PARL: variants seen among roughly 807,000 people sequenced by gnomAD.
The protein encoded by PARL is presenilin-associated rhomboid-like protein, mitochondrial.
Under a neutral mutation model 51.6 loss-of-function variants are expected in PARL, and 44 were observed. The observed-to-expected ratio is 0.85, with a 90% confidence interval of 0.67 to 1.10. The LOEUF (loss-of-function observed/expected upper bound fraction) is 1.10. PARL is among the 50% of genes least tolerant of loss of function. PARL has a pLI of 0.00. For synonymous variants in PARL, 172 were observed against 164.0 expected (o/e 1.05, Z -0.37); for missense variants, 441 against 469.5 (o/e 0.94, Z 0.56).
chr3:183,829,947 C>G (rs1029658207), intron 9 of PARL, among the ~76,000 whole-genome samples: 5 of 152,200 alleles, frequency 3.3e-5, no homozygotes, highest in South Asian at 2.1e-4. Context: ...ACATATACTA[C>G]TTTTGATTCA....
chr3:183,836,314 CGTT>C (rs1206870066), intron 7 of PARL, among the ~76,000 whole-genome samples: 4 of 149,496 alleles, frequency 2.7e-5, no homozygotes, highest in East Asian at 1.9e-4. Flanking sequence ...AAAAAATTGT[CGTT>C]ATCTGTACAA....
chr3:183,839,836 TATCCTCCTTCCTC>T (rs1310148475), intron 7 of PARL, among the ~76,000 whole-genome samples: 4 of 152,084 alleles, frequency 2.6e-5, no homozygotes, highest in Non-Finnish European at 5.9e-5. Context: ...AGGCTCAAGC[TATCCTCCTTCCTC>T]AGCCTCCTGA....
intron 4 of PARL, among the ~76,000 whole-genome samples, chr3:183,853,978 C>T (rs2108641996): frequency 6.6e-6 from 1 of 152,320 alleles, no homozygotes; most frequent in Middle Eastern, 3.4e-3. Context: ...GTGGCTCATG[C>T]CTGTAATCCC....
intron 4 of PARL, among the ~76,000 whole-genome samples, chr3:183,851,810 T>C (rs1052545702): frequency 6.6e-6 from 1 of 152,106 alleles, no homozygotes; most frequent in Non-Finnish European, 1.5e-5. Flanking sequence ...TACTAGTCAC[T>C]AGCAAAATGG....
chr3:183,869,866 A>G (rs995912003), intron 1 of PARL, among the ~76,000 whole-genome samples: 1 of 152,100 alleles, frequency 6.6e-6, no homozygotes, highest in Non-Finnish European at 1.5e-5. Context: ...TATGCTCCCC[A>G]TTACTTTAAA....
At chr3:183,884,549 G>A (rs1390276084) in intron 1 of PARL, among the ~76,000 whole-genome samples, 173 bp downstream of exon 1, 2 of 152,204 alleles carry the variant, frequency 1.3e-5, no homozygotes, top group Non-Finnish European at 2.9e-5. Context: ...CTGGGCAAGG[G>A]GAGCGAGAAG....
In PARL at chr3:183,867,934, T is replaced by C; in HGVS notation, c.252A>G (p.Glu84=). ...AGGGAGAAGGATAAAAGACTGTTTCTTCCACAGGAGGAATCAAAGCACTTC... is the reference window on the plus strand; with the variant it reads ...AGGGAGAAGGATAAAAGACTGTTTCCTCCACAGGAGGAATCAAAGCACTTC... ...YKRSALIPPV[E]ETVFYPSPYP... The change falls in exon 2 of 10, where the codon GAA becomes GAG. Residue 84 remains glutamate (E), a synonymous_variant. Transcript: ENST00000317096. 1 of 1,613,976 alleles carries C rather than the reference T, an allele frequency of 6.2e-7. No homozygotes were observed. The highest frequency in any genetic ancestry group is 1.1e-5 in the South Asian group (1 of 91,084).
chr3:183,868,479 T>C (rs1367321501), intron 1 of PARL, among the ~76,000 whole-genome samples: 1 of 152,116 alleles, frequency 6.6e-6, no homozygotes, highest in Non-Finnish European at 1.5e-5. Context: ...GGTACGATCA[T>C]GGCTCACTGC....
intron 7 of PARL, among the ~76,000 whole-genome samples, chr3:183,838,231 T>G (rs951105836): frequency 6.6e-6 from 1 of 152,066 alleles, no homozygotes; most frequent in East Asian, 1.9e-4. Context: ...CTCACTTTGT[T>G]GCCCAGGCTA....
chr3:183,879,954 C>T (rs1734260812), intron 1 of PARL, among the ~76,000 whole-genome samples: 2 of 150,004 alleles, frequency 1.3e-5, no homozygotes, highest in Non-Finnish European at 3.0e-5. Context: ...TGGTCTCGAA[C>T]TCCTGACCTC....
intron 1 of PARL, among the ~76,000 whole-genome samples, chr3:183,874,016 A>G (rs2108697834): frequency 6.6e-6 from 1 of 152,332 alleles, no homozygotes; most frequent in South Asian, 2.1e-4. Context: ...CACAAATTGA[A>G]GGTTTGTGGC....
chr3:183,875,897 G>A (rs1733748157), intron 1 of PARL, among the ~76,000 whole-genome samples: 1 of 152,192 alleles, frequency 6.6e-6, no homozygotes, highest in African/African-American at 2.4e-5. Context: ...TGGTGACTAA[G>A]TTGAAGCCAA....
In PARL at chr3:183,843,908, G is replaced by A. The variant is rs140234088; in HGVS notation, c.607+323C>T. ...ACAAAAACTAGCTGGGTGTGGTGGC[G>A]GGCACCTGTAATCCTAGCTACTAGG... On this transcript the variant is annotated intron_variant, in intron 5 of 9. Transcript: ENST00000317096. 9.0e-3 allele frequency among the ~76,000 whole-genome samples: 1,364 copies of A among 152,064 alleles called. 11 individuals carry two copies. Among genetic ancestry groups the A allele is most frequent in the Middle Eastern group, 0.054 (16 of 294 alleles).
intron 4 of PARL, among the ~76,000 whole-genome samples, chr3:183,851,642 G>A (rs1425785542): frequency 6.6e-6 from 1 of 151,996 alleles, no homozygotes; most frequent in Non-Finnish European, 1.5e-5. Context: ...AACAAAATGG[G>A]AGAAAATGTG....
At chr3:183,866,515 T>C (rs945873111) in intron 3 of PARL, 110 bp downstream of exon 3, 7 of 854,504 alleles carry the variant, frequency 8.2e-6, no homozygotes, top group African/African-American at 6.6e-5. Flanking sequence ...GATTTCATTA[T>C]TACACATTAT....
intron 7 of PARL, among the ~76,000 whole-genome samples, chr3:183,835,700 C>A (rs1728491610): frequency 6.6e-6 from 1 of 152,062 alleles, no homozygotes; most frequent in African/African-American, 2.4e-5. Flanking sequence ...AACCCCGTCT[C>A]TACTAAAAAC....
chr3:183,841,656 C>T (rs1729326255), intron 6 of PARL, among the ~76,000 whole-genome samples: 1 of 152,148 alleles, frequency 6.6e-6, no homozygotes, highest in Admixed American at 6.5e-5. Flanking sequence ...ATTTTACAAA[C>T]AGAGAGGTAA....
At position 183,833,604 on chromosome 3, in the gene PARL, GA is replaced by G. The variant is rs1560369352; in HGVS notation, c.931-16del. 6.3e-7 allele frequency: 1 copy of G among 1,581,564 alleles called. No homozygotes were observed. The highest frequency in any genetic ancestry group is 1.7e-5 in the Admixed American group (1 of 59,992). On this transcript the variant is annotated splice_polypyrimidine_tract_variant and intron_variant, in intron 8 of 9. Transcript: ENST00000317096. ...GCTTTCAGGGCCTGAAAGGCAGCAA[GA>G]AACAAGCGGCACAACTGTGATTGCT...
At chr3:183,849,627 G>C (rs1439447544) in intron 4 of PARL, among the ~76,000 whole-genome samples, 2 of 151,888 alleles carry the variant, frequency 1.3e-5, no homozygotes, top group Non-Finnish European at 1.5e-5. Flanking sequence ...AAAGGAAGCA[G>C]AAGGAAAGAA....
Sources: allele counts gnomAD v4.1 joint callset (sites outside exome capture counted in the v4.1 genomes callset), GRCh38; gene constraint gnomAD v4.1.1; transcripts MANE v1.5; gene names NCBI Gene and HGNC (gene_info 2026-07-23, HGNC 2026-07-21).